Variants in SCN3A observed in about 807,000 individuals in gnomAD.
The protein encoded by SCN3A is sodium voltage-gated channel alpha subunit 3.
In SCN3A, 60 loss-of-function variants were observed where a neutral mutation model predicts 187.6. The ratio of observed to expected loss-of-function variants is 0.32; its 90% CI spans 0.26 to 0.40. The LOEUF (loss-of-function observed/expected upper bound fraction) is 0.40. SCN3A is among the 10% of genes least tolerant of loss of function. SCN3A has a pLI of 1.00. For synonymous variants in SCN3A, 788 were observed against 829.2 expected (o/e 0.95, Z 0.85); for missense variants, 1,601 against 2,428.2 (o/e 0.66, Z 7.16).
At chr2:165,095,248 G>A (rs1212507201) in intron 25 of SCN3A, among the ~76,000 whole-genome samples, 2 of 152,118 alleles carry the variant, frequency 1.3e-5, no homozygotes, top group Non-Finnish European at 2.9e-5. Flanking sequence ...GGCTCTGTAA[G>A]CCAAGCTAAA....
At chr2:165,119,077 T>A (rs1393395493) in intron 18 of SCN3A, among the ~76,000 whole-genome samples, 5 of 152,164 alleles carry the variant, frequency 3.3e-5, no homozygotes, top group Non-Finnish European at 7.4e-5. Context: ...GGATGATTTT[T>A]AAATTTTTTG....
At chr2:165,185,438 T>C (rs1340071517) in intron 2 of SCN3A, among the ~76,000 whole-genome samples, 1 of 152,192 alleles carries the variant, frequency 6.6e-6, no homozygotes, top group Non-Finnish European at 1.5e-5. Flanking sequence ...GTCAAGTCAT[T>C]GTCTGTAAAA....
In SCN3A at chr2:165,168,704, A is replaced by C. The variant is rs377036671; in HGVS notation, c.473+32T>G. The C allele has an allele frequency of 3.5e-4, 494 of 1,424,122 alleles. 1 individual carries two copies. In the South Asian group the frequency reaches 5.3e-3, roughly 15 times the overall value. 88.2% of individuals were successfully genotyped at this position (1,424,122 alleles called of 1,614,324 possible). ...AGATTGCTAGAGAATTTGAGTGTGC[A>C]TTTCTCATTCCCAGAAGTTATTCCT... On this transcript the variant is annotated intron_variant, in intron 5 of 27. Coordinates refer to ENST00000283254, the MANE Select transcript of SCN3A (RefSeq NM_006922.4).
chr2:165,108,515 T>C (rs915215634), intron 21 of SCN3A, among the ~76,000 whole-genome samples: 1 of 152,180 alleles, frequency 6.6e-6, no homozygotes, highest in African/African-American at 2.4e-5. Context: ...AAATACTTCA[T>C]GATGGTTGAA....
chr2:165,157,393 T>C (rs940344451), intron 9 of SCN3A, among the ~76,000 whole-genome samples: 8 of 152,200 alleles, frequency 5.3e-5, no homozygotes, highest in Non-Finnish European at 8.8e-5. Context: ...TACCCTTCAA[T>C]TGGGATTTGT....
chr2:165,113,121 T>A (rs1190327639), intron 20 of SCN3A, 63 bp from the exon 21 acceptor site: 1 of 1,281,086 alleles, frequency 7.8e-7, no homozygotes, highest in African/African-American at 1.5e-5. Flanking sequence ...TTTGAAAAAA[T>A]TGCTTAGTAT....
rs1688617410 is a variant in SCN3A at position 165,150,282 on chromosome 2, A to G, written c.1381-3253T>C. 2.6e-5 allele frequency among the ~76,000 whole-genome samples: 4 copies of G among 152,186 alleles called. No homozygotes were observed. In the South Asian group the frequency reaches 6.2e-4, roughly 24 times the overall value. ...AATAAACAAAGATGGAAGTGATGCT[A>G]GCCTTCATGAAGTCATTGGCTAGAT... On this transcript the variant is annotated intron_variant, in intron 11 of 27. Coordinates refer to ENST00000283254, the MANE Select transcript of SCN3A (RefSeq NM_006922.4).
chr2:165,166,344 G>A (rs1689755287), intron 5 of SCN3A, among the ~76,000 whole-genome samples: 1 of 152,030 alleles, frequency 6.6e-6, no homozygotes, highest in Non-Finnish European at 1.5e-5. Context: ...CAGGTAAGTG[G>A]GAGTCAGGGG....
intron 10 of SCN3A, among the ~76,000 whole-genome samples, 198 bp downstream of exon 10, chr2:165,155,564 T>C (rs899111684): frequency 1.3e-5 from 2 of 152,102 alleles, no homozygotes; most frequent in African/African-American, 4.8e-5. Context: ...CATGCTGGGC[T>C]AATTTTTGTA....
At position 165,176,391 on chromosome 2, in the gene SCN3A, C is replaced by T. The variant is rs772128810; in HGVS notation, c.4G>A (p.Ala2Thr). MAQALLVPPGPE... is the reference protein window; with the variant it reads MTQALLVPPGPE... ...CCTGGGGGTACCAACAGTGCCTGTG[C>T]CATCTTTTCATCCTGCACATTTAAT... Residue 2 changes from alanine to threonine, a missense_variant, in exon 3 of 28, where the codon GCA becomes ACA. Ala to Thr is a moderately conservative substitution (Grantham distance 58, BLOSUM62 0). Coordinates refer to ENST00000283254, the MANE Select transcript of SCN3A (RefSeq NM_006922.4). The T allele has an allele frequency of 6.8e-6, 11 of 1,613,878 alleles. No homozygotes were observed. In the South Asian group the frequency reaches 7.7e-5, roughly 11 times the overall value.
intron 1 of SCN3A, among the ~76,000 whole-genome samples, chr2:165,194,590 A>G (rs1691826198): frequency 6.6e-6 from 1 of 152,120 alleles, no homozygotes; most frequent in African/African-American, 2.4e-5. Context: ...AGTAGAATAT[A>G]ACTTGAAGAT....
At chr2:165,137,807 A>T in intron 15 of SCN3A, 72 bp downstream of exon 15, 2 of 1,198,480 alleles carry the variant, frequency 1.7e-6, no homozygotes, top group Non-Finnish European at 2.5e-6. Context: ...ACACAGCACA[A>T]ATACATCTTT....
At chr2:165,203,430 G>C (rs1301015023) in intron 1 of SCN3A, among the ~76,000 whole-genome samples, 2 of 151,930 alleles carry the variant, frequency 1.3e-5, no homozygotes, top group Non-Finnish European at 2.9e-5. Flanking sequence ...AAGAATGATA[G>C]TTCCAATTTC....
intron 7 of SCN3A, 144 bp downstream of exon 7, chr2:165,163,474 G>T: frequency 9.7e-7 from 1 of 1,027,402 alleles, no homozygotes; most frequent in Non-Finnish European, 1.5e-6. Context: ...AATTTTAGGA[G>T]CTAAACTGAC....
intron 11 of SCN3A, among the ~76,000 whole-genome samples, chr2:165,149,457 G>A (rs1288705505): frequency 3.3e-5 from 5 of 152,088 alleles, no homozygotes; most frequent in Admixed American, 1.3e-4. Flanking sequence ...TTACAGGCGC[G>A]AGCCACCGCA....
At chr2:165,120,980 G>A (rs1187303261) in intron 18 of SCN3A, among the ~76,000 whole-genome samples, 1 of 151,654 alleles carries the variant, frequency 6.6e-6, no homozygotes, top group East Asian at 1.9e-4. Flanking sequence ...TTGAAGAGTA[G>A]GGTAAAAGAG....
At position 165,088,682 on chromosome 2, in the gene SCN3A, A is replaced by G. The variant is rs1178043898; in HGVS notation, c.*1468T>C. ...GTGATTAAAAATCAAAAGCAAAAGC[A>G]TAAAGTAAAATAAATTGTGATGTCA... On this transcript the variant is annotated 3_prime_UTR_variant, in exon 28 of 28. Transcript: ENST00000283254. The G allele has an allele frequency of 6.6e-6, 1 of 152,614 alleles. No homozygotes were observed. The highest frequency in any genetic ancestry group is 1.5e-5 in the Non-Finnish European group (1 of 67,976). 9.5% of individuals were successfully genotyped at this position (152,614 alleles called of 1,614,324 possible). A position where few individuals can be genotyped will look rare whatever the true frequency, so the allele number is the denominator to read the frequency against.
chr2:165,096,198 AACAACTTTTCC>A (rs1685356804), intron 24 of SCN3A, among the ~76,000 whole-genome samples: 1 of 152,146 alleles, frequency 6.6e-6, no homozygotes, highest in African/African-American at 2.4e-5. Context: ...TTCCCCACTG[AACAACTTTTCC>A]ACTCAGAATA....
chr2:165,163,287 C>T (rs1689522736), intron 7 of SCN3A, among the ~76,000 whole-genome samples: 1 of 152,038 alleles, frequency 6.6e-6, no homozygotes, highest in Non-Finnish European at 1.5e-5. Flanking sequence ...AAAGGAGATC[C>T]ATTTTTGAAC....
Sources: allele counts gnomAD v4.1 joint callset (sites outside exome capture counted in the v4.1 genomes callset), GRCh38; gene constraint gnomAD v4.1.1; transcripts MANE v1.5; gene names NCBI Gene and HGNC (gene_info 2026-07-23, HGNC 2026-07-21).